Variants in FCHSD2 observed in about 807,000 individuals in gnomAD.
FCHSD2 encodes the protein F-BAR and double SH3 domains protein 2.
FCHSD2 carries 38 observed loss-of-function variants against 108.1 expected under a neutral mutation model. That is an observed-to-expected ratio of 0.35 (90% CI 0.27 to 0.46). FCHSD2 has a LOEUF of 0.46. Among genes scored for constraint, FCHSD2 ranks in the 20% least tolerant of loss-of-function variants. The probability of loss-of-function intolerance (pLI) is 1.00; values close to 1 mark genes in which losing one functional copy is unlikely to be tolerated. For synonymous variants in FCHSD2, 279 were observed against 314.7 expected, an observed-to-expected ratio of 0.89 and a Z score of 1.20; for missense variants, 751 against 897.8, an observed-to-expected ratio of 0.84 and a Z score of 2.09.
intron 3 of FCHSD2, among the ~76,000 whole-genome samples, chr11:73,045,825 G>A (rs1424354282): frequency 6.6e-6 from 1 of 151,934 alleles, no homozygotes; most frequent in East Asian, 1.9e-4. Flanking sequence ...GCTAGATGAT[G>A]AGTTAGTGGG....
At chr11:72,903,364 C>G (rs986069508) in intron 9 of FCHSD2, among the ~76,000 whole-genome samples, 2 of 152,166 alleles carry the variant, frequency 1.3e-5, no homozygotes, top group South Asian at 4.2e-4. Flanking sequence ...CTACAGGCGC[C>G]CGCCACTGCG....
At chr11:73,068,519 GA>G (rs943482650) in intron 3 of FCHSD2, among the ~76,000 whole-genome samples, 4 of 150,210 alleles carry the variant, frequency 2.7e-5, no homozygotes, top group African/African-American at 9.8e-5. Context: ...AAAAAGTTGA[GA>G]AAAAAAAAGT....
At chr11:73,038,454 C>T (rs1217432339) in intron 3 of FCHSD2, among the ~76,000 whole-genome samples, 1 of 151,984 alleles carries the variant, frequency 6.6e-6, no homozygotes, top group Non-Finnish European at 1.5e-5. Flanking sequence ...TGGGCAGTGA[C>T]TCAAGATCAC....
intron 5 of FCHSD2, among the ~76,000 whole-genome samples, chr11:72,993,443 T>C (rs893740182): frequency 1.3e-5 from 2 of 152,168 alleles, no homozygotes; most frequent in African/African-American, 4.8e-5. Flanking sequence ...CATGCTGCTA[T>C]AGAGACACAT....
intron 2 of FCHSD2, among the ~76,000 whole-genome samples, chr11:73,104,630 G>A (rs957704549): frequency 2.0e-5 from 3 of 152,090 alleles, no homozygotes; most frequent in African/African-American, 7.2e-5. Flanking sequence ...GTGCAGTACC[G>A]CAATCTCATC....
chr11:73,074,534 G>A (rs1859505393), intron 3 of FCHSD2, among the ~76,000 whole-genome samples: 1 of 152,008 alleles, frequency 6.6e-6, no homozygotes, highest in African/African-American at 2.4e-5. Flanking sequence ...ACACCTCAAG[G>A]TGGACTTTAG....
chr11:72,982,246 C>T (rs571530842), intron 8 of FCHSD2, among the ~76,000 whole-genome samples: 23 of 152,262 alleles, frequency 1.5e-4, no homozygotes, highest in Admixed American at 1.2e-3. Context: ...CTGAAGGTCC[C>T]GAGAACTGTC....
chr11:73,111,138 G>A (rs1860474534), intron 2 of FCHSD2, among the ~76,000 whole-genome samples: 1 of 152,256 alleles, frequency 6.6e-6, no homozygotes, highest in African/African-American at 2.4e-5. Context: ...GGAAAGGAAT[G>A]TGTATTCTGG....
chr11:72,970,310 T>C (rs1472576592), intron 8 of FCHSD2, among the ~76,000 whole-genome samples: 3 of 152,090 alleles, frequency 2.0e-5, no homozygotes, highest in African/African-American at 7.2e-5. Context: ...AACCTAACAG[T>C]CTACAATCCA....
chr11:72,916,601 C>G (rs1855879140), intron 9 of FCHSD2, among the ~76,000 whole-genome samples: 1 of 152,322 alleles, frequency 6.6e-6, no homozygotes, highest in East Asian at 1.9e-4. Flanking sequence ...AAGCGTGAGC[C>G]ACTGTGCCCA....
chr11:72,966,375 GT>G (rs1471089494), intron 8 of FCHSD2, among the ~76,000 whole-genome samples: 1 of 152,090 alleles, frequency 6.6e-6, no homozygotes, highest in Non-Finnish European at 1.5e-5. Flanking sequence ...GGCCAGGCTG[GT>G]CTTGAACTCC....
chr11:72,989,386 C>G (rs1033928507), intron 5 of FCHSD2, among the ~76,000 whole-genome samples: 17 of 152,116 alleles, frequency 1.1e-4, no homozygotes, highest in Admixed American at 1.0e-3. Flanking sequence ...GGAAGAGCAA[C>G]TATGAAAAAT....
chr11:72,854,245 T>G (rs1273395673), intron 13 of FCHSD2, among the ~76,000 whole-genome samples: 2 of 152,202 alleles, frequency 1.3e-5, no homozygotes, highest in Non-Finnish European at 2.9e-5. Context: ...CCAAAAGAAC[T>G]GAAAGCACAG....
intron 3 of FCHSD2, among the ~76,000 whole-genome samples, chr11:73,041,269 G>A (rs1009500200): frequency 1.3e-5 from 2 of 151,994 alleles, no homozygotes; most frequent in Non-Finnish European, 2.9e-5. Context: ...TGGATCATAC[G>A]GTAGTTCTAT....
chr11:73,087,911 G>A (rs946439379), intron 2 of FCHSD2, among the ~76,000 whole-genome samples: 9 of 151,990 alleles, frequency 5.9e-5, no homozygotes, highest in South Asian at 2.1e-4. Flanking sequence ...ATCTTTTTCC[G>A]TCTGTCTCCC....
intron 10 of FCHSD2, among the ~76,000 whole-genome samples, chr11:72,897,612 CATGAG>C (rs1855449734): frequency 1.3e-5 from 2 of 152,272 alleles, no homozygotes; most frequent in South Asian, 4.1e-4. Context: ...TCATTTTACA[CATGAG>C]GAAGCTGAAT....
chr11:72,882,641 A>G (rs1855113377), intron 12 of FCHSD2, among the ~76,000 whole-genome samples: 1 of 152,244 alleles, frequency 6.6e-6, no homozygotes, highest in African/African-American at 2.4e-5. Context: ...AAAATATCAC[A>G]TGCATCTCAT....
intron 2 of FCHSD2, among the ~76,000 whole-genome samples, chr11:73,103,834 T>C (rs1860278664): frequency 6.6e-6 from 1 of 152,248 alleles, no homozygotes. Flanking sequence ...TAACTTGATG[T>C]GGTATTCTTC....
chr11:73,111,916 T>A (rs1860495588), intron 2 of FCHSD2, among the ~76,000 whole-genome samples: 1 of 152,190 alleles, frequency 6.6e-6, no homozygotes, highest in Non-Finnish European at 1.5e-5. Context: ...ATTTTTAACT[T>A]TTGGTTGTTA....
Sources: allele counts gnomAD v4.1 joint callset (sites outside exome capture counted in the v4.1 genomes callset), GRCh38; gene constraint gnomAD v4.1.1; transcripts MANE v1.5; gene names NCBI Gene and HGNC (gene_info 2026-07-23, HGNC 2026-07-21).